Variants in CPQ observed in about 807,000 individuals in gnomAD.
CPQ encodes carboxypeptidase Q.
A neutral mutation model predicts 45.7 loss-of-function variants in CPQ; 37 were observed. The observed-to-expected ratio is 0.81, with a 90% CI of 0.62 to 1.07. CPQ has a LOEUF of 1.07. CPQ is among the 50% of genes least tolerant of loss of function. The pLI, the probability that CPQ is intolerant of heterozygous loss-of-function variation, is 0.00. For missense variants in CPQ, 537 were observed against 572.9 expected, an observed-to-expected ratio of 0.94 and a Z score of 0.64; for synonymous variants, 186 against 205.8, an observed-to-expected ratio of 0.90 and a Z score of 0.82.
intron 2 of CPQ, among the ~76,000 whole-genome samples, chr8:96,799,779 G>T (rs1810982449): frequency 6.6e-6 from 1 of 152,158 alleles, no homozygotes; most frequent in South Asian, 2.1e-4. Flanking sequence ...GCTCTGGGAG[G>T]TTCATCATCT....
intron 7 of CPQ, among the ~76,000 whole-genome samples, chr8:97,113,416 ATGTT>A (rs1339155885): frequency 3.3e-5 from 5 of 152,206 alleles, no homozygotes; most frequent in African/African-American, 1.2e-4. Context: ...GAGTGAATGA[ATGTT>A]TGGTGAGAAG....
intron 3 of CPQ, among the ~76,000 whole-genome samples, chr8:96,855,563 C>A: frequency 6.6e-6 from 1 of 152,320 alleles, no homozygotes; most frequent in Admixed American, 6.5e-5. Context: ...GGAGGCCTTT[C>A]TGATACATTG....
intron 1 of CPQ, among the ~76,000 whole-genome samples, chr8:96,714,031 A>T (rs1038454483): frequency 6.6e-5 from 10 of 152,168 alleles, no homozygotes; most frequent in Admixed American, 6.5e-4. Context: ...GTTTTCCTTT[A>T]TAAGTTTTCT....
chr8:96,837,981 G>A (rs570429716), intron 3 of CPQ, among the ~76,000 whole-genome samples: 8 of 152,108 alleles, frequency 5.3e-5, no homozygotes, highest in East Asian at 3.9e-4. Context: ...CTTTTCCCAC[G>A]CACCACGTTT....
intron 5 of CPQ, among the ~76,000 whole-genome samples, chr8:97,013,058 C>T (rs1439999932): frequency 2.0e-5 from 3 of 152,126 alleles, no homozygotes; most frequent in Non-Finnish European, 4.4e-5. Context: ...CTAATAGGAA[C>T]TCAAGGATTC....
At chr8:96,889,437 T>G (rs1237781420) in intron 4 of CPQ, among the ~76,000 whole-genome samples, 1 of 152,176 alleles carries the variant, frequency 6.6e-6, no homozygotes, top group African/African-American at 2.4e-5. Flanking sequence ...ATCCATTAAT[T>G]CTACAGGAAT....
intron 1 of CPQ, among the ~76,000 whole-genome samples, chr8:96,684,401 CT>C (rs1352765513): frequency 6.6e-6 from 1 of 152,196 alleles, no homozygotes; most frequent in African/African-American, 2.4e-5. Context: ...GCCATGCAGG[CT>C]GGTCCTTGGG....
chr8:96,943,874 A>G (rs1302546289), intron 4 of CPQ, among the ~76,000 whole-genome samples: 1 of 152,266 alleles, frequency 6.6e-6, no homozygotes, highest in South Asian at 2.1e-4. Context: ...AGTTATTTGT[A>G]TTACTAAACC....
At chr8:96,843,802 A>G (rs916543996) in intron 3 of CPQ, among the ~76,000 whole-genome samples, 3 of 152,226 alleles carry the variant, frequency 2.0e-5, no homozygotes, top group Non-Finnish European at 4.4e-5. Flanking sequence ...GCTACTCATC[A>G]AAAATGGAAT....
chr8:96,690,086 T>A (rs2130736367), intron 1 of CPQ, among the ~76,000 whole-genome samples: 1 of 152,270 alleles, frequency 6.6e-6, no homozygotes, highest in Admixed American at 6.5e-5. Flanking sequence ...TTACTTGGGC[T>A]CTTGTATACT....
chr8:96,690,579 C>T (rs944037466), intron 1 of CPQ, among the ~76,000 whole-genome samples: 3 of 152,224 alleles, frequency 2.0e-5, no homozygotes, highest in Admixed American at 2.0e-4. Flanking sequence ...GTTAGTTTTT[C>T]TGTTAGGATG....
intron 5 of CPQ, among the ~76,000 whole-genome samples, chr8:97,007,436 ATT>A (rs1273040629): frequency 6.6e-6 from 1 of 152,148 alleles, no homozygotes; most frequent in East Asian, 1.9e-4. Context: ...CCTGACTCAT[ATT>A]TTAGTTTCTA....
At chr8:96,774,308 G>C (rs1810580583) in intron 1 of CPQ, among the ~76,000 whole-genome samples, 1 of 151,906 alleles carries the variant, frequency 6.6e-6, no homozygotes, top group Admixed American at 6.6e-5. Context: ...ATTTTGGAGG[G>C]GACACCATCT....
intron 1 of CPQ, among the ~76,000 whole-genome samples, chr8:96,769,954 T>C (rs1810518641): frequency 6.6e-6 from 1 of 152,176 alleles, no homozygotes; most frequent in Non-Finnish European, 1.5e-5. Flanking sequence ...AGATGCCTCC[T>C]TTTGAACAGT....
chr8:96,897,415 A>T (rs946510110), intron 4 of CPQ, among the ~76,000 whole-genome samples: 5 of 152,078 alleles, frequency 3.3e-5, no homozygotes, highest in African/African-American at 1.2e-4. Flanking sequence ...TACTAACTGT[A>T]TGAAAGAAGA....
intron 5 of CPQ, among the ~76,000 whole-genome samples, chr8:96,974,654 T>A (rs1813744787): frequency 1.3e-5 from 2 of 152,140 alleles, no homozygotes; most frequent in Non-Finnish European, 2.9e-5. Context: ...ATCAAAATTA[T>A]ATCTAGTACT....
At chr8:96,805,763 G>T (rs564333249) in intron 2 of CPQ, among the ~76,000 whole-genome samples, 1 of 151,978 alleles carries the variant, frequency 6.6e-6, no homozygotes, top group South Asian at 2.1e-4. Context: ...TCTGAAACTT[G>T]GGACCTCTCT....
chr8:96,666,688 C>G (rs1808929491), intron 1 of CPQ, among the ~76,000 whole-genome samples: 1 of 152,216 alleles, frequency 6.6e-6, no homozygotes, highest in Non-Finnish European at 1.5e-5. Flanking sequence ...AAATATGGCT[C>G]TTGGCCTCTA....
chr8:96,927,276 T>C (rs1812905199), intron 4 of CPQ, among the ~76,000 whole-genome samples: 1 of 152,206 alleles, frequency 6.6e-6, no homozygotes, highest in Non-Finnish European at 1.5e-5. Flanking sequence ...ATGATGTTTT[T>C]AGGGGAAAGA....
Sources: gnomAD v4.1 joint callset for allele counts (sites outside exome capture counted in the v4.1 genomes callset) on GRCh38, gnomAD v4.1.1 for gene constraint, MANE v1.5 for transcripts, NCBI Gene and HGNC (gene_info 2026-07-23, HGNC 2026-07-21) for gene names.